Variants in TRPM3 observed in about 807,000 individuals in gnomAD.
The protein encoded by TRPM3 is long transient receptor potential channel 3.
In TRPM3, 77 loss-of-function variants were observed where a neutral mutation model predicts 181.2. The ratio of observed to expected loss-of-function variants is 0.42; its 90% CI spans 0.35 to 0.51. The LOEUF (loss-of-function observed/expected upper bound fraction) is 0.51, where lower values mean the gene tolerates loss of function less well. Among genes scored for constraint, TRPM3 ranks in the 20% least tolerant of loss-of-function variants. The pLI is 0.01. For synonymous variants in TRPM3, 745 were observed against 796.4 expected, an observed-to-expected ratio of 0.94 and a Z score of 1.09; for missense variants, 1,759 against 2,196.7, an observed-to-expected ratio of 0.80 and a Z score of 3.98.
intron 1 of TRPM3, among the ~76,000 whole-genome samples, chr9:71,349,389 T>C (rs1179243679): frequency 1.3e-5 from 2 of 152,154 alleles, no homozygotes; most frequent in African/African-American, 4.8e-5. Flanking sequence ...AATGGAAATG[T>C]ACATTTTTAG....
At position 70,917,158 on chromosome 9, in the gene TRPM3, G is replaced by C; in HGVS notation, c.178-52647C>G. ...GTTCGGCCACATCTGGGGCATACTGGTCCAGTTCTAGGAGGAGTTTCTGCT... is the reference window on the plus strand; with the variant it reads ...GTTCGGCCACATCTGGGGCATACTGCTCCAGTTCTAGGAGGAGTTTCTGCT... On this transcript the variant is annotated intron_variant, in intron 1 of 25. Coordinates refer to ENST00000677713, the MANE Select transcript of TRPM3 (RefSeq NM_001366145.2). The C allele has an allele frequency of 2.5e-6, 4 of 1,605,786 alleles. No individual in the cohort carries two copies. In the South Asian group the frequency reaches 4.4e-5, roughly 18 times the overall value.
chr9:71,278,960 A>G (rs1481364387), intron 1 of TRPM3, among the ~76,000 whole-genome samples: 1 of 151,028 alleles, frequency 6.6e-6, no homozygotes, highest in Non-Finnish European at 1.5e-5. Context: ...CCATAAGAAC[A>G]TACTTCTCTT....
In TRPM3 at chr9:70,990,029, G is replaced by A. The variant is rs181062766; in HGVS notation, c.178-125518C>T. 3.9e-5 allele frequency among the ~76,000 whole-genome samples: 6 copies of A among 152,250 alleles called. No individual in the cohort carries two copies. The East Asian group carries it at 9.7e-4, about 24-fold the overall frequency. On this transcript the variant is annotated intron_variant, in intron 1 of 25. Coordinates refer to ENST00000677713, the MANE Select transcript of TRPM3 (RefSeq NM_001366145.2). ...AAGGTACTGTAAATTCTAAACTTATGCCTTTTGTACAATGAGGAAACTACA... is the reference window on the plus strand; with the variant it reads ...AAGGTACTGTAAATTCTAAACTTATACCTTTTGTACAATGAGGAAACTACA...
intron 1 of TRPM3, among the ~76,000 whole-genome samples, chr9:71,208,812 T>A (rs1017608403): frequency 1.1e-4 from 17 of 152,302 alleles, no homozygotes; most frequent in Admixed American, 7.8e-4. Context: ...ATTTTTCAAG[T>A]TAAAAATTGA....
chr9:71,050,264 G>A (rs2059920156), intron 1 of TRPM3, among the ~76,000 whole-genome samples: 1 of 152,130 alleles, frequency 6.6e-6, no homozygotes, highest in Non-Finnish European at 1.5e-5. Context: ...TAATTTTTAT[G>A]CATATAAATA....
intron 1 of TRPM3, among the ~76,000 whole-genome samples, chr9:71,038,397 T>C (rs1482104551): frequency 6.6e-6 from 1 of 152,228 alleles, no homozygotes; most frequent in East Asian, 1.9e-4. Context: ...CTGGCCTTAG[T>C]TAGATCCAGT....
intron 1 of TRPM3, among the ~76,000 whole-genome samples, chr9:71,163,330 ATAGGTAGG>A (rs58180875): frequency 2.6e-5 from 4 of 151,568 alleles, no homozygotes; most frequent in African/African-American, 7.3e-5. Context: ...GAAACAAGAT[ATAGGTAGG>A]TAGGTAGGTA....
At chr9:71,035,649 A>G (rs555990988) in intron 1 of TRPM3, among the ~76,000 whole-genome samples, 3 of 152,192 alleles carry the variant, frequency 2.0e-5, no homozygotes, top group Non-Finnish European at 4.4e-5. Context: ...CCCGGGAGGC[A>G]GAGGTTGCAG....
At chr9:71,415,440 T>C (rs1308913908) in intron 1 of TRPM3, among the ~76,000 whole-genome samples, 1 of 152,106 alleles carries the variant, frequency 6.6e-6, no homozygotes, top group African/African-American at 2.4e-5. Flanking sequence ...TAAATACATA[T>C]ATTTTTCTAT....
chr9:70,934,928 C>T (rs1004267197), intron 1 of TRPM3, among the ~76,000 whole-genome samples: 12 of 152,152 alleles, frequency 7.9e-5, no homozygotes, highest in Non-Finnish European at 1.8e-4. Flanking sequence ...TGTTCTGCTA[C>T]AAATTCCACA....
At position 70,570,057 on chromosome 9, in the gene TRPM3, C is replaced by G. The variant is rs75565344; in HGVS notation, c.3224-16747G>C. Among the ~76,000 whole-genome samples, 362 of 151,914 alleles carry G rather than the reference C, an allele frequency of 2.4e-3. 4 individuals are homozygous for G. Among genetic ancestry groups the G allele is most frequent in the African/African-American group, 8.3e-3 (342 of 41,420 alleles). On this transcript the variant is annotated intron_variant, in intron 22 of 25. Transcript: ENST00000677713. The stretch of plus-strand genomic sequence containing the variant: ...AAGGTTACTTCCATTTTTGTGTGCA[C>G]GTGTACATAAGTCTGAAATATTTAG...
intron 8 of TRPM3, among the ~76,000 whole-genome samples, chr9:70,744,904 C>T (rs770430879): frequency 3.1e-4 from 47 of 152,110 alleles, no homozygotes; most frequent in Non-Finnish European, 5.9e-4. Flanking sequence ...CAGAAAGATG[C>T]TCTTGGTTTA....
intron 1 of TRPM3, among the ~76,000 whole-genome samples, chr9:71,101,544 T>C (rs1452276793): frequency 6.6e-6 from 1 of 152,128 alleles, no homozygotes; most frequent in Admixed American, 6.6e-5. Flanking sequence ...AGGATTTAGT[T>C]CAAACTCAGT....
chr9:70,547,028 C>CGCAAATACA (rs2045140684), intron 25 of TRPM3, among the ~76,000 whole-genome samples: 1 of 152,086 alleles, frequency 6.6e-6, no homozygotes, highest in Non-Finnish European at 1.5e-5. Context: ...AGAAGACTCA[C>CGCAAATACA]GCAAATACAA....
intron 1 of TRPM3, among the ~76,000 whole-genome samples, chr9:71,247,570 G>A (rs1437578850): frequency 6.6e-6 from 1 of 151,986 alleles, no homozygotes; most frequent in Non-Finnish European, 1.5e-5. Context: ...GCACTGGAAG[G>A]GAGAAGAGGT....
At chr9:71,034,208 C>A (rs148118772) in intron 1 of TRPM3, among the ~76,000 whole-genome samples, 1 of 152,144 alleles carries the variant, frequency 6.6e-6, no homozygotes, top group African/African-American at 2.4e-5. Context: ...CTCATCTCAG[C>A]TCTGCTTGGC....
intron 1 of TRPM3, among the ~76,000 whole-genome samples, chr9:71,147,501 T>C (rs2075486550): frequency 6.6e-6 from 1 of 151,066 alleles, no homozygotes; most frequent in Non-Finnish European, 1.5e-5. Context: ...AAAAGGTTAA[T>C]GGAAACTAAA....
At chr9:70,692,717 GA>G (rs2068972551) in intron 8 of TRPM3, among the ~76,000 whole-genome samples, 3 of 152,162 alleles carry the variant, frequency 2.0e-5, no homozygotes, top group Admixed American at 1.3e-4. Context: ...AAGGGGTCCT[GA>G]AAAAACATAT....
At chr9:71,184,548 A>T (rs1373816552) in intron 1 of TRPM3, among the ~76,000 whole-genome samples, 1 of 152,024 alleles carries the variant, frequency 6.6e-6, no homozygotes, top group Non-Finnish European at 1.5e-5. Context: ...TCCTTCTGTA[A>T]TTGGTCTCTA....
Sources: allele counts gnomAD v4.1 joint callset (sites outside exome capture counted in the v4.1 genomes callset), GRCh38; gene constraint gnomAD v4.1.1; transcripts MANE v1.5; gene names NCBI Gene and HGNC (gene_info 2026-07-23, HGNC 2026-07-21).